Variants in APC observed in about 807,000 individuals in gnomAD.
APC encodes adenomatous polyposis coli protein.
Under a neutral mutation model 247.0 loss-of-function variants are expected in APC, and 72 were observed. The observed-to-expected ratio is 0.29, with a 90% CI of 0.24 to 0.35. The LOEUF (loss-of-function observed/expected upper bound fraction) is 0.35, where lower values mean the gene tolerates loss of function less well. APC is among the 10% of genes least tolerant of loss of function. APC has a pLI of 1.00. For synonymous variants in APC, 1,254 were observed against 1,162.5 expected (o/e 1.08, Z -1.60); for missense variants, 3,400 against 3,360.7 (o/e 1.01, Z -0.29).
chr5:112,741,575 G>A (rs564733908), intron 1 of APC, among the ~76,000 whole-genome samples: 5 of 152,182 alleles, frequency 3.3e-5, no homozygotes, highest in Non-Finnish European at 7.4e-5. Flanking sequence ...TTGTGAGTCT[G>A]TTTTTTACAG....
chr5:112,744,483 A>C (rs1238736906), intron 1 of APC, among the ~76,000 whole-genome samples: 1 of 152,236 alleles, frequency 6.6e-6, no homozygotes, highest in South Asian at 2.1e-4. Flanking sequence ...CTGGGAAGAC[A>C]AAACACCCCA....
intron 1 of APC, among the ~76,000 whole-genome samples, chr5:112,711,335 A>G (rs1413299472): frequency 6.6e-6 from 1 of 152,122 alleles, no homozygotes; most frequent in Non-Finnish European, 1.5e-5. Context: ...ACCATCCCCC[A>G]CCCAACTCCT....
chr5:112,827,854 C>T, intron 12 of APC, 75 bp from the exon 13 acceptor site: 1 of 1,193,882 alleles, frequency 8.4e-7, no homozygotes, highest in Non-Finnish European at 1.2e-6. Context: ...CTGAATTAGA[C>T]ATTTAGTAGC....
chr5:112,719,286 T>G (rs1751351532), intron 1 of APC, among the ~76,000 whole-genome samples: 1 of 151,762 alleles, frequency 6.6e-6, no homozygotes. Context: ...GGCACAATCT[T>G]GGCTCACTGC....
At chr5:112,764,532 G>T (rs1028117581) in intron 2 of APC, among the ~76,000 whole-genome samples, 3 of 152,172 alleles carry the variant, frequency 2.0e-5, no homozygotes, top group Admixed American at 6.5e-5. Flanking sequence ...ACAAGGCAAA[G>T]AATAGGCTTT....
intron 1 of APC, among the ~76,000 whole-genome samples, chr5:112,729,712 A>C (rs556978967): frequency 6.6e-6 from 1 of 152,368 alleles, no homozygotes; most frequent in East Asian, 1.9e-4. Flanking sequence ...TTTTAAGGTC[A>C]GCTAACTAAT....
chr5:112,768,868 G>A (rs1756686432), intron 4 of APC, among the ~76,000 whole-genome samples: 1 of 151,976 alleles, frequency 6.6e-6, no homozygotes, highest in Non-Finnish European at 1.5e-5. Flanking sequence ...GTCTTATACA[G>A]TAGTGTAGAA....
Position 112,837,788 on chromosome 5 carries a change from A to G in APC, c.2194A>G (p.Asn732Asp), listed in dbSNP as rs876659004. ...TGCAGCTTTAAGGAATCTCATGGCA[A>G]ATAGGCCTGCGAAGTACAAGGATGC... is the stretch of plus-strand genomic sequence containing the variant. Reference protein sequence around the residue: ...SAAALRNLMANRPAKYKDANI... With the variant: ...SAAALRNLMADRPAKYKDANI... Residue 732 changes from asparagine to aspartate, a missense_variant, in exon 16 of 16, where the codon AAT becomes GAT. Around this residue, in one of 9 missense-constraint regions of APC, gnomAD observed 91 missense variants for 103.3 expected, o/e 0.88. Transcript: ENST00000257430. 2 of 1,614,114 alleles carry G rather than the reference A, an allele frequency of 1.2e-6. No individual in the cohort carries two copies. Among genetic ancestry groups the G allele is most frequent in the African/African-American group, 2.7e-5 (2 of 75,060 alleles).
intron 1 of APC, among the ~76,000 whole-genome samples, chr5:112,731,045 A>C (rs1033826189): frequency 6.6e-6 from 1 of 151,778 alleles, no homozygotes; most frequent in Admixed American, 6.6e-5. Flanking sequence ...TTTTCACATA[A>C]TATATGGATT....
At chr5:112,801,475 AC>A in intron 8 of APC, 92 bp downstream of exon 8, 2 of 988,640 alleles carry the variant, frequency 2.0e-6, no homozygotes, top group Non-Finnish European at 3.0e-6. Context: ...TATAAATCTT[AC>A]CTATTTTCTT....
intron 8 of APC, among the ~76,000 whole-genome samples, chr5:112,806,039 A>G (rs1229394536): frequency 6.6e-6 from 1 of 152,068 alleles, no homozygotes; most frequent in Non-Finnish European, 1.5e-5. Context: ...CCTCATATTT[A>G]CTGGGCCTTC....
chr5:112,780,555 A>G (rs1249355418), intron 5 of APC, among the ~76,000 whole-genome samples: 1 of 152,348 alleles, frequency 6.6e-6, no homozygotes, highest in South Asian at 2.1e-4. Flanking sequence ...AATTAAAGCC[A>G]CTTGTGACTT....
In APC at chr5:112,840,776, A is replaced by G. The variant is rs778283715; in HGVS notation, c.5182A>G (p.Ile1728Val). 6.2e-7 allele frequency: 1 copy of G among 1,614,076 alleles called. No individual in the cohort carries two copies. Among genetic ancestry groups the G allele is most frequent in the South Asian group, 1.1e-5 (1 of 91,082 alleles). Reference protein sequence around the residue: ...AEEGDILAECINSAMPKGKSH... With the variant: ...AEEGDILAECVNSAMPKGKSH... ...GGAAGGTGATATTCTTGCAGAATGC[A>G]TTAATTCTGCTATGCCCAAAGGGAA... Residue 1728 changes from isoleucine (I) to valine (V), a missense_variant, in exon 16 of 16, where the codon ATT becomes GTT. Ile to Val is a conservative substitution (Grantham distance 29). This residue lies in a region of APC where 1,788 missense variants were observed against 1,649.5 expected (regional missense o/e 1.08). Coordinates refer to ENST00000257430, the MANE Select transcript of APC (RefSeq NM_000038.6). This position sits in a 1 kb window ranked among gnomAD's most constrained non-coding sequence, Gnocchi z 4.1.
At chr5:112,821,751 A>T (rs527443556) in intron 10 of APC, 145 bp from the exon 11 acceptor site, 37 of 667,542 alleles carry the variant, frequency 5.5e-5, no homozygotes, top group Admixed American at 2.9e-4. Flanking sequence ...GTATTTATTC[A>T]TCCTTTCAGC....
chr5:112,726,958 A>G (rs1440312555), intron 1 of APC, among the ~76,000 whole-genome samples: 1 of 152,160 alleles, frequency 6.6e-6, no homozygotes, highest in Non-Finnish European at 1.5e-5. Context: ...ATAATATTAA[A>G]TAGGCATTAT....
chr5:112,788,981 T>C (rs2149673424), intron 6 of APC, among the ~76,000 whole-genome samples: 1 of 152,336 alleles, frequency 6.6e-6, no homozygotes, highest in South Asian at 2.1e-4. Context: ...TTCTTTTTCT[T>C]GTCTTGACTT....
intron 2 of APC, among the ~76,000 whole-genome samples, chr5:112,764,392 A>G (rs79303000): frequency 0.013 from 2,003 of 152,324 alleles, 54 homozygotes; most frequent in African/African-American, 0.045. Flanking sequence ...AGAATATGAA[A>G]GAGATAGCTG....
chr5:112,828,428 T>C (rs767187112), intron 13 of APC, among the ~76,000 whole-genome samples: 1 of 150,892 alleles, frequency 6.6e-6, no homozygotes, highest in Non-Finnish European at 1.5e-5. Flanking sequence ...GAAATCTTTT[T>C]GGCACTGTAG....
chr5:112,744,441 T>C (rs1264755107), intron 1 of APC, among the ~76,000 whole-genome samples: 40 of 152,214 alleles, frequency 2.6e-4, no homozygotes. Context: ...GTATTAGATA[T>C]AGACCTTGTC....
Sources: gnomAD v4.1 joint callset for allele counts (sites outside exome capture counted in the v4.1 genomes callset) on GRCh38, gnomAD v4.1.1 for gene constraint, gnomAD v4.1.1 regional missense constraint, Gnocchi (gnomAD v3.1) non-coding constraint, MANE v1.5 for transcripts, NCBI Gene and HGNC (gene_info 2026-07-23, HGNC 2026-07-21) for gene names.